The following PPP2R5E variants were observed in gnomAD, a reference collection of about 807,000 sequenced individuals.
The protein encoded by PPP2R5E is serine/threonine-protein phosphatase 2A 56 kDa regulatory subunit epsilon isoform.
A neutral mutation model predicts 65.3 loss-of-function variants in PPP2R5E; 4 were observed. The observed-to-expected ratio is 0.06, with a 90% confidence interval of 0.03 to 0.14. PPP2R5E has a LOEUF of 0.14. Ranked by LOEUF, PPP2R5E falls within the 10% of genes least tolerant of loss-of-function variation. PPP2R5E has a pLI of 1.00. For missense variants in PPP2R5E, 274 were observed against 556.1 expected (o/e 0.49, Z 5.10); for synonymous variants, 183 against 187.4 (o/e 0.98, Z 0.19).
At chr14:63,461,325 C>T (rs17825105) in intron 2 of PPP2R5E, among the ~76,000 whole-genome samples, 49,572 of 150,900 alleles carry the variant, frequency 0.33, 10,818 homozygotes, top group African/African-American at 0.62. Context: ...GAGGATGTTA[C>T]GTGCCAGTAA....
intron 3 of PPP2R5E, among the ~76,000 whole-genome samples, chr14:63,440,559 G>T (rs1354785892): frequency 1.3e-5 from 2 of 151,972 alleles, no homozygotes; most frequent in Non-Finnish European, 1.5e-5. Context: ...TAGCACAGAG[G>T]CAAGACTCCA....
chr14:63,469,613 GA>G (rs1890014436), intron 2 of PPP2R5E, among the ~76,000 whole-genome samples: 1 of 152,216 alleles, frequency 6.6e-6, no homozygotes, highest in African/African-American at 2.4e-5. Context: ...AGAATGGCGT[GA>G]ACCCGGGAGG....
chr14:63,461,881 CACAT>C (rs1304140604), intron 2 of PPP2R5E, among the ~76,000 whole-genome samples: 2 of 152,080 alleles, frequency 1.3e-5, no homozygotes, highest in Admixed American at 1.3e-4. Flanking sequence ...CACACATACA[CACAT>C]AGAGTGGTAT....
intron 5 of PPP2R5E, among the ~76,000 whole-genome samples, chr14:63,397,556 C>T (rs547203282): frequency 8.8e-6 from 1 of 113,010 alleles, no homozygotes; most frequent in African/African-American, 3.2e-5. Context: ...TCTACTAGAA[C>T]ATCTAGGAAA....
At chr14:63,384,309 T>A in intron 12 of PPP2R5E, 135 bp downstream of exon 12, 1 of 1,031,608 alleles carries the variant, frequency 9.7e-7, no homozygotes, top group Admixed American at 2.4e-5. Context: ...AGTCAGTGAA[T>A]CCCCAGAAGG....
intron 2 of PPP2R5E, among the ~76,000 whole-genome samples, chr14:63,526,123 G>C (rs1016130406): frequency 2.0e-5 from 3 of 152,164 alleles, no homozygotes; most frequent in Admixed American, 2.0e-4. Context: ...GCCTCCCAAA[G>C]TGCTGGGATT....
intron 8 of PPP2R5E, among the ~76,000 whole-genome samples, 156 bp downstream of exon 8, chr14:63,393,664 A>G (rs949969914): frequency 1.3e-5 from 2 of 152,104 alleles, no homozygotes; most frequent in Non-Finnish European, 2.9e-5. Flanking sequence ...GTGAGCCAAG[A>G]CTGTCCCACT....
At chr14:63,391,921 T>C (rs1168782001) in intron 9 of PPP2R5E, 51 bp downstream of exon 9, 2 of 1,605,662 alleles carry the variant, frequency 1.2e-6, no homozygotes, top group South Asian at 2.2e-5. Context: ...TATATACTTC[T>C]GGGAAAGGTA....
At position 63,394,318 on chromosome 14, in the gene PPP2R5E, C is replaced by T. The variant is rs1443897117; in HGVS notation, c.741-390G>A. ...CAGACTGGTCTAGAACTCTTAACTG[C>T]AAATGATCTGCCCACCTTGGCCTCC... On this transcript the variant is annotated intron_variant, in intron 7 of 13. Coordinates refer to ENST00000337537, the MANE Select transcript of PPP2R5E (RefSeq NM_006246.5). Among the ~76,000 whole-genome samples the T allele has an allele frequency of 6.6e-5, 10 of 152,064 alleles. No homozygotes were observed. The East Asian group carries it at 1.9e-3, about 29-fold the overall frequency.
chr14:63,457,088 G>A (rs916053658), intron 2 of PPP2R5E, among the ~76,000 whole-genome samples: 2 of 152,186 alleles, frequency 1.3e-5, no homozygotes, highest in Admixed American at 6.5e-5. Context: ...CCAAACAAGA[G>A]GTTCTTCATA....
At chr14:63,508,615 T>A (rs771793254) in intron 2 of PPP2R5E, among the ~76,000 whole-genome samples, 4 of 152,184 alleles carry the variant, frequency 2.6e-5, no homozygotes, top group Non-Finnish European at 4.4e-5. Flanking sequence ...CTAAGATCAC[T>A]CCAACAGTAA....
intron 2 of PPP2R5E, among the ~76,000 whole-genome samples, chr14:63,531,738 G>C (rs1193364265): frequency 6.6e-6 from 1 of 151,934 alleles, no homozygotes. Context: ...AGGGTCACTT[G>C]AGGTCAAGAG....
intron 2 of PPP2R5E, among the ~76,000 whole-genome samples, chr14:63,493,103 T>TA (rs540152511): frequency 4.9e-4 from 75 of 152,142 alleles, no homozygotes; most frequent in Non-Finnish European, 3.5e-4. Flanking sequence ...AGAATCAGTT[T>TA]AAGCAAAAGA....
chr14:63,417,575 GTATGCAGTGGATGTTAC>G (rs1261363311), intron 4 of PPP2R5E, among the ~76,000 whole-genome samples: 1 of 151,426 alleles, frequency 6.6e-6, no homozygotes, highest in African/African-American at 2.4e-5. Flanking sequence ...TTATATTTCA[GTATGCAGTGGATGTTAC>G]TATGCATACT....
At chr14:63,538,532 C>T (rs1279047167) in intron 2 of PPP2R5E, among the ~76,000 whole-genome samples, 1 of 150,604 alleles carries the variant, frequency 6.6e-6, no homozygotes, top group African/African-American at 2.4e-5. Context: ...GGATTACAGG[C>T]GTGAGCCACC....
intron 3 of PPP2R5E, among the ~76,000 whole-genome samples, chr14:63,439,546 GT>G (rs1888108858): frequency 6.6e-6 from 1 of 152,004 alleles, no homozygotes; most frequent in South Asian, 2.1e-4. Flanking sequence ...GGCTAATTTT[GT>G]ATTTTTAGTA....
chr14:63,537,847 G>A (rs77168953), intron 2 of PPP2R5E, among the ~76,000 whole-genome samples: 115 of 152,126 alleles, frequency 7.6e-4, no homozygotes, highest in African/African-American at 2.6e-3. Context: ...CACCTCAAAG[G>A]TAAATTCTGA....
intron 13 of PPP2R5E, 31 bp downstream of exon 13, chr14:63,382,025 C>T: frequency 6.4e-7 from 1 of 1,553,280 alleles, no homozygotes; most frequent in Non-Finnish European, 8.8e-7. Context: ...TAGCTTTATG[C>T]ACAGCTGACA....
intron 13 of PPP2R5E, among the ~76,000 whole-genome samples, chr14:63,380,251 G>A (rs1163313206): frequency 6.6e-6 from 1 of 152,150 alleles, no homozygotes; most frequent in Non-Finnish European, 1.5e-5. Context: ...ATGCAACACA[G>A]TATTAAAATG....
Sources: allele counts gnomAD v4.1 joint callset (sites outside exome capture counted in the v4.1 genomes callset), GRCh38; gene constraint gnomAD v4.1.1; transcripts MANE v1.5; gene names NCBI Gene and HGNC (gene_info 2026-07-23, HGNC 2026-07-21).